BPNT1: variants seen among roughly 807,000 people sequenced by gnomAD.
The protein encoded by BPNT1 is 3'(2'),5'-bisphosphate nucleotidase 1.
A neutral mutation model predicts 36.9 loss-of-function variants in BPNT1; 28 were observed. The observed-to-expected ratio is 0.76, with a 90% confidence interval of 0.56 to 1.04. BPNT1 has a LOEUF of 1.04. BPNT1 is among the 50% of genes least tolerant of loss of function. BPNT1 has a pLI of 0.00. For missense variants in BPNT1, 313 were observed against 372.9 expected (o/e 0.84, Z 1.32); for synonymous variants, 119 against 130.9 (o/e 0.91, Z 0.62).
At chr1:220,076,373 C>T (rs927573292) in intron 2 of BPNT1, among the ~76,000 whole-genome samples, 18 of 151,464 alleles carry the variant, frequency 1.2e-4, no homozygotes, top group African/African-American at 3.9e-4. Flanking sequence ...TGGTGGCGGG[C>T]GCCTGTAGTC....
chr1:220,064,634 G>A (rs1313245796), intron 6 of BPNT1, among the ~76,000 whole-genome samples: 4 of 152,030 alleles, frequency 2.6e-5, no homozygotes, highest in African/African-American at 9.7e-5. Flanking sequence ...GGTGGTCCTA[G>A]GTGAGACAGC....
At chr1:220,065,429 G>C (rs937181550) in intron 6 of BPNT1, among the ~76,000 whole-genome samples, 1 of 152,156 alleles carries the variant, frequency 6.6e-6, no homozygotes, top group Non-Finnish European at 1.5e-5. Context: ...TAAGAAACTG[G>C]CTTCAGTATG....
chr1:220,089,154 A>G (rs1481055441), intron 1 of BPNT1, among the ~76,000 whole-genome samples: 1 of 151,666 alleles, frequency 6.6e-6, no homozygotes, highest in Non-Finnish European at 1.5e-5. Context: ...AGGAAGAAGA[A>G]GAAGAAAAAA....
chr1:220,083,328 C>CT (rs1221796663), intron 1 of BPNT1, among the ~76,000 whole-genome samples: 28 of 150,186 alleles, frequency 1.9e-4, no homozygotes, highest in Admixed American at 4.7e-4. Flanking sequence ...AAACGGGTTT[C>CT]TCTTTTTTTT....
rs181371029 is a variant in BPNT1, at chr1:220,061,608, A to C, written c.672+1149T>G. Among the ~76,000 whole-genome samples the C allele has an allele frequency of 3.2e-3, 485 of 152,170 alleles. 1 individual carries two copies. The highest frequency in any genetic ancestry group is 6.9e-3 in the Middle Eastern group (2 of 290). On this transcript the variant is annotated intron_variant, in intron 7 of 8. Transcript: ENST00000322067. ...CAGAGTGATAGGCTGTGAGGAAGGAAGGAGTCTAGGATGACTTTCAGGTGT... is the reference window on the plus strand; with the variant it reads ...CAGAGTGATAGGCTGTGAGGAAGGACGGAGTCTAGGATGACTTTCAGGTGT...
chr1:220,066,069 T>C, intron 6 of BPNT1: 1 of 1,518,128 alleles, frequency 6.6e-7, no homozygotes, highest in East Asian at 2.5e-5. Flanking sequence ...GCTATTTTTC[T>C]CACCTTTGCT....
chr1:220,079,070 A>G (rs985061247), intron 2 of BPNT1, among the ~76,000 whole-genome samples: 1 of 152,306 alleles, frequency 6.6e-6, no homozygotes, highest in Non-Finnish European at 1.5e-5. Context: ...TTTGATTATA[A>G]CAAATATTTA....
intron 2 of BPNT1, among the ~76,000 whole-genome samples, chr1:220,074,673 C>G (rs758774874): frequency 2.8e-4 from 43 of 151,038 alleles, no homozygotes; most frequent in Admixed American, 2.1e-3. Context: ...TTTTTTGTAT[C>G]TTAGTAGAGA....
At chr1:220,079,380 G>A (rs1664898960) in intron 2 of BPNT1, among the ~76,000 whole-genome samples, 1 of 152,014 alleles carries the variant, frequency 6.6e-6, no homozygotes, top group African/African-American at 2.4e-5. Flanking sequence ...AGCCTCCCAA[G>A]TAGCTGGGAT....
rs116076592 is a variant in BPNT1, at chr1:220,079,044, G to T, written c.120+683C>A. ...CTTTGAGTTTCTTTTCCATGAGGAA[G>T]AAAAGAATGTATCACTTTGATTATA... On this transcript the variant is annotated intron_variant, in intron 2 of 8. Coordinates refer to ENST00000322067, the MANE Select transcript of BPNT1 (RefSeq NM_006085.6). 2.2e-3 allele frequency among the ~76,000 whole-genome samples: 338 copies of T among 152,266 alleles called. 1 individual carries two copies. Among genetic ancestry groups the T allele is most frequent in the Non-Finnish European group, 3.9e-3 (263 of 68,020 alleles).
chr1:220,074,778 G>A (rs1298354801), intron 2 of BPNT1, among the ~76,000 whole-genome samples: 2 of 152,078 alleles, frequency 1.3e-5, no homozygotes, highest in Non-Finnish European at 2.9e-5. Context: ...ACAGGCATGA[G>A]CCACCATGCC....
rs1230318777 is a variant in BPNT1 at position 220,084,225 on chromosome 1, G to A, written c.-8-4371C>T. ...TGGGCACCTGTAGTCCCAGCTACTC[G>A]GGAGGCTGAGGCAGGAGAATGGCAT... On this transcript the variant is annotated intron_variant, in intron 1 of 8. Coordinates refer to ENST00000322067, the MANE Select transcript of BPNT1 (RefSeq NM_006085.6). Among the ~76,000 whole-genome samples the A allele has an allele frequency of 8.6e-5, 13 of 151,870 alleles. No homozygotes were observed. The East Asian group carries it at 1.2e-3, about 14-fold the overall frequency.
intron 6 of BPNT1, among the ~76,000 whole-genome samples, chr1:220,064,162 C>T (rs1289617164): frequency 6.6e-6 from 1 of 152,142 alleles, no homozygotes; most frequent in Non-Finnish European, 1.5e-5. Context: ...CATTAAGTAA[C>T]CTGACTAAAG....
chr1:220,071,277 G>A (rs1323825994), intron 4 of BPNT1, among the ~76,000 whole-genome samples: 1 of 151,962 alleles, frequency 6.6e-6, no homozygotes, highest in African/African-American at 2.4e-5. Flanking sequence ...AAGACATTAT[G>A]GTGGCTATCT....
chr1:220,076,696 AT>A (rs1383484520), intron 2 of BPNT1, among the ~76,000 whole-genome samples: 3 of 139,710 alleles, frequency 2.1e-5, no homozygotes, highest in Non-Finnish European at 3.1e-5. Flanking sequence ...AAAAAAAAAA[AT>A]AAATTAATAA....
intron 6 of BPNT1, among the ~76,000 whole-genome samples, chr1:220,063,946 A>T (rs1663294475): frequency 6.6e-6 from 1 of 152,184 alleles, no homozygotes; most frequent in South Asian, 2.1e-4. Context: ...ACATAAAATG[A>T]TTGATGCAAA....
At chr1:220,076,500 CAA>C (rs35221551) in intron 2 of BPNT1, among the ~76,000 whole-genome samples, 7 of 58,000 alleles carry the variant, frequency 1.2e-4, no homozygotes, top group African/African-American at 2.4e-4. Flanking sequence ...GACTCCATCT[CAA>C]AAAAAAAAAA....
At chr1:220,080,937 GA>G (rs1004812332) in intron 1 of BPNT1, among the ~76,000 whole-genome samples, 1 of 152,148 alleles carries the variant, frequency 6.6e-6, no homozygotes, top group African/African-American at 2.4e-5. Context: ...GAAATAAACG[GA>G]AAAAACAGCC....
chr1:220,083,215 C>T (rs1439675084), intron 1 of BPNT1, among the ~76,000 whole-genome samples: 1 of 141,800 alleles, frequency 7.1e-6, no homozygotes, highest in Non-Finnish European at 1.5e-5. Context: ...CCAGCCTGGG[C>T]GACAGAGCAA....
Sources: gnomAD v4.1 joint callset for allele counts (sites outside exome capture counted in the v4.1 genomes callset) on GRCh38, gnomAD v4.1.1 for gene constraint, MANE v1.5 for transcripts, NCBI Gene and HGNC (gene_info 2026-07-23, HGNC 2026-07-21) for gene names.